The following MXRA7 variants were observed in gnomAD, a reference collection of about 807,000 sequenced individuals.
MXRA7 encodes matrix-remodeling-associated protein 7.
MXRA7 carries 18 observed loss-of-function variants against 17.4 expected under a neutral mutation model. The ratio of observed to expected loss-of-function variants is 1.03; its 90% CI spans 0.71 to 1.53. MXRA7 has a LOEUF of 1.53. Among genes scored for constraint, MXRA7 ranks in the 40% most tolerant of loss-of-function variants. The pLI, the probability that MXRA7 is intolerant of heterozygous loss-of-function variation, is 0.00. For missense variants in MXRA7, 141 were observed against 209.3 expected, an observed-to-expected ratio of 0.67 and a Z score of 2.01; for synonymous variants, 70 against 101.7, an observed-to-expected ratio of 0.69 and a Z score of 1.87.
intron 3 of MXRA7, chr17:76,684,803 G>A: frequency 1.9e-6 from 1 of 513,146 alleles, no homozygotes; most frequent in Non-Finnish European, 3.5e-6. Flanking sequence ...GGGGTGGGGG[G>A]GTGCAGTAAA....
At chr17:76,703,106 T>C (rs1021698145) in intron 1 of MXRA7, among the ~76,000 whole-genome samples, 12 of 151,442 alleles carry the variant, frequency 7.9e-5, no homozygotes, top group African/African-American at 2.9e-4. Flanking sequence ...AACCAGACCT[T>C]GTCTCAAAAC....
At chr17:76,672,562 T>C (rs960274147) in exon 4 of MXRA7, 2 of 152,224 alleles carry the variant, frequency 1.3e-5, no homozygotes, top group Non-Finnish European at 2.9e-5. Context: ...GAAAACAGCA[T>C]ACGCGCAAGG....
intron 1 of MXRA7, among the ~76,000 whole-genome samples, chr17:76,710,322 A>G (rs563977836): frequency 2.0e-5 from 3 of 152,212 alleles, no homozygotes; most frequent in Non-Finnish European, 4.4e-5. Context: ...GCTGCGGAGC[A>G]CGCCCTGGGC....
chr17:76,702,516 AAAG>A (rs149456126), intron 1 of MXRA7, among the ~76,000 whole-genome samples: 18,687 of 151,584 alleles, frequency 0.12, 1,515 homozygotes, highest in African/African-American at 0.23. Flanking sequence ...TAAATAAATA[AAAG>A]AAGAAGAAGA....
chr17:76,679,168 G>A (rs1294655553), downstream of MXRA7, among the ~76,000 whole-genome samples: 1 of 151,916 alleles, frequency 6.6e-6, no homozygotes, highest in Non-Finnish European at 1.5e-5. Context: ...AGCACCTGTA[G>A]TCCCAGCTAC....
At chr17:76,706,454 C>A (rs1287870193) in intron 1 of MXRA7, among the ~76,000 whole-genome samples, 1 of 152,170 alleles carries the variant, frequency 6.6e-6, no homozygotes, top group African/African-American at 2.4e-5. Flanking sequence ...TCAAAAAGGA[C>A]CACACTGCCA....
At chr17:76,706,267 ACG>A (rs2076656250) in intron 1 of MXRA7, among the ~76,000 whole-genome samples, 2 of 129,458 alleles carry the variant, frequency 1.5e-5, no homozygotes, top group African/African-American at 5.7e-5. Context: ...ACAGAGGCCC[ACG>A]CTGCCGTCAC....
chr17:76,687,125 T>G (rs2076408028), intron 2 of MXRA7, among the ~76,000 whole-genome samples: 1 of 152,218 alleles, frequency 6.6e-6, no homozygotes, highest in Admixed American at 6.5e-5. Flanking sequence ...GGGCCATGGC[T>G]GCGGTGAGTC....
At chr17:76,672,865 G>A (rs1598326304) in exon 4 of MXRA7, 1 of 151,746 alleles carries the variant, frequency 6.6e-6, no homozygotes, top group East Asian at 1.9e-4. Flanking sequence ...GCCCTAGAGG[G>A]GTTCCACCAA....
intron 1 of MXRA7, chr17:76,688,731 G>A (rs1426066186): frequency 1.0e-5 from 12 of 1,196,392 alleles, no homozygotes; most frequent in South Asian, 4.3e-5. Flanking sequence ...GGAATGGCCC[G>A]GGATGGCCTT....
In MXRA7 at chr17:76,681,952, A is replaced by T. The variant is rs1184792297; in HGVS notation, c.501-1073T>A. Among the ~76,000 whole-genome samples, 1 of 152,212 alleles carries T rather than the reference A, an allele frequency of 6.6e-6. No homozygotes were observed. The highest frequency in any genetic ancestry group is 1.5e-5 in the Non-Finnish European group (1 of 68,030). ...ACCCAGGGACGCCACCAGAGGCATGAAGTGTGTGAAACTCCGGCCCGAGGG... is the reference window on the plus strand; with the variant it reads ...ACCCAGGGACGCCACCAGAGGCATGTAGTGTGTGAAACTCCGGCCCGAGGG... On this transcript the variant is annotated intron_variant, in intron 3 of 3. Transcript: ENST00000449428. This position sits in a 1 kb window ranked among gnomAD's most constrained non-coding sequence, Gnocchi z 4.7.
chr17:76,710,674 C>G lies in MXRA7; in HGVS notation c.273G>C (p.Glu91Asp), dbSNP rs2076710952. ...CCGCGGGATCCCCTGGCCCTTCGGG[C>G]TCCCCCGGTCCCGCAGGCTCCCCGA... ...GELGEPAGPG[E>D]PEGPGDPAAA... is the part of the protein sequence containing the mutation. The change falls in exon 1 of 4, where the codon GAG becomes GAC. Residue 91 changes from glutamate to aspartate, a missense_variant. Glu to Asp is a conservative substitution (Grantham distance 45). This residue lies in a region of MXRA7 where 72 missense variants were observed against 111.9 expected (regional missense o/e 0.64). Transcript: ENST00000449428. 1 of 1,309,120 alleles carries G rather than the reference C, an allele frequency of 7.6e-7. No individual in the cohort carries two copies. Among genetic ancestry groups the G allele is most frequent in the Non-Finnish European group, 9.8e-7 (1 of 1,023,568 alleles). The allele number at this position is 1,309,120 out of a possible 1,614,324, so 81.1% of individuals were successfully genotyped here. A position where few individuals can be genotyped will look rare whatever the true frequency, so the allele number is the denominator to read the frequency against.
intron 1 of MXRA7, among the ~76,000 whole-genome samples, chr17:76,704,527 G>A (rs930633498): frequency 6.7e-6 from 1 of 148,168 alleles, no homozygotes; most frequent in African/African-American, 2.5e-5. Flanking sequence ...TTTCATGCCT[G>A]TAATCCCAGC....
chr17:76,684,960 C>G (rs1253597042), intron 3 of MXRA7, 112 bp downstream of exon 3: 38 of 843,482 alleles, frequency 4.5e-5, no homozygotes, highest in Non-Finnish European at 7.0e-5. Context: ...CGTGTAGGAG[C>G]CCCACCTCCT....
At chr17:76,705,467 A>G (rs1327402462) in intron 1 of MXRA7, among the ~76,000 whole-genome samples, 1 of 151,930 alleles carries the variant, frequency 6.6e-6, no homozygotes, top group African/African-American at 2.4e-5. Context: ...ATTAATGAAC[A>G]TTTGGATTAT....
At chr17:76,699,267 T>A (rs966501463) in intron 1 of MXRA7, among the ~76,000 whole-genome samples, 1 of 152,098 alleles carries the variant, frequency 6.6e-6, no homozygotes, top group African/African-American at 2.4e-5. Context: ...CCCCTCAGCC[T>A]CCTAAGTAGC....
intron 1 of MXRA7, among the ~76,000 whole-genome samples, chr17:76,707,289 CTCTTTTT>C (rs1282571085): frequency 5.5e-5 from 6 of 108,990 alleles, no homozygotes; most frequent in African/African-American, 2.2e-4. Flanking sequence ...GAAGTCCCTA[CTCTTTTT>C]TTTTTTTTTT....
At chr17:76,679,521 AAAGGGATTT>A (rs1598331628), downstream of MXRA7, 2 of 867,966 alleles carry the variant, frequency 2.3e-6, no homozygotes, top group East Asian at 1.2e-4. Flanking sequence ...AATGGGTTCA[AAAGGGATTT>A]TGTTTTAAAA....
At chr17:76,708,000 C>A (rs1441427902) in intron 1 of MXRA7, among the ~76,000 whole-genome samples, 1 of 152,214 alleles carries the variant, frequency 6.6e-6, no homozygotes, top group African/African-American at 2.4e-5. Context: ...GCCTCCCTGC[C>A]CTGGCCTGTG....
Sources: gnomAD v4.1 joint callset for allele counts (sites outside exome capture counted in the v4.1 genomes callset) on GRCh38, gnomAD v4.1.1 for gene constraint, gnomAD v4.1.1 regional missense constraint, Gnocchi (gnomAD v3.1) non-coding constraint, MANE v1.5 for transcripts, NCBI Gene and HGNC (gene_info 2026-07-23, HGNC 2026-07-21) for gene names.